The following SCUBE1 variants were observed in gnomAD, a reference collection of about 807,000 sequenced individuals.
SCUBE1 encodes the protein signal peptide, CUB domain and EGF like domain containing 1.
SCUBE1 carries 59 observed loss-of-function variants against 124.4 expected under a neutral mutation model. The ratio of observed to expected loss-of-function variants is 0.47; its 90% CI spans 0.38 to 0.59. SCUBE1 has a LOEUF of 0.59. Among genes scored for constraint, SCUBE1 ranks in the 20% least tolerant of loss-of-function variants. The probability of loss-of-function intolerance (pLI) is 0.00; values close to 1 mark genes in which losing one functional copy is unlikely to be tolerated. For synonymous variants in SCUBE1, 545 were observed against 550.9 expected (o/e 0.99, Z 0.15); for missense variants, 1,150 against 1,371.2 (o/e 0.84, Z 2.55).
intron 2 of SCUBE1, among the ~76,000 whole-genome samples, chr22:43,325,250 T>G (rs1206914201): frequency 6.6e-6 from 1 of 151,796 alleles, no homozygotes; most frequent in Non-Finnish European, 1.5e-5. Context: ...AGCCACATCC[T>G]TGGGGTGTGT....
chr22:43,337,189 G>A (rs1927111099), intron 2 of SCUBE1, among the ~76,000 whole-genome samples: 1 of 152,184 alleles, frequency 6.6e-6, no homozygotes, highest in South Asian at 2.1e-4. Context: ...GAGCCAGTGA[G>A]CAGCAGAGCT....
At position 43,212,504 on chromosome 22, in the gene SCUBE1, G is replaced by A. The variant is rs773366234; in HGVS notation, c.2142C>T (p.Arg714=). Residue 714 remains arginine, a synonymous_variant, in exon 17 of 22, where the codon CGC becomes CGT. Transcript: ENST00000360835. ...CCCCTCCACAGGGGAAGCAGCCGGTGCGCCCGGGCTCAGGCTGGTACGTGC... is the reference window on the plus strand; with the variant it reads ...CCCCTCCACAGGGGAAGCAGCCGGTACGCCCGGGCTCAGGCTGGTACGTGC... The part of the protein sequence containing the change: ...PVGTYQPEPG[R]TGCFPCGGGL... 7.7e-6 allele frequency: 12 copies of A among 1,556,754 alleles called. No homozygotes were observed. In the African/African-American group the frequency reaches 1.6e-4, roughly 21 times the overall value.
chr22:43,261,495 G>C (rs994379840), intron 5 of SCUBE1, among the ~76,000 whole-genome samples: 1 of 152,186 alleles, frequency 6.6e-6, no homozygotes, highest in African/African-American at 2.4e-5. Flanking sequence ...ACTATTCTAG[G>C]AGACCATGAG....
intron 14 of SCUBE1, among the ~76,000 whole-genome samples, chr22:43,219,374 G>T (rs1454162428): frequency 6.6e-6 from 1 of 152,138 alleles, no homozygotes; most frequent in African/African-American, 2.4e-5. Context: ...TGCTGCTGCC[G>T]TGTTCTCGGA....
chr22:43,328,673 T>G lies in SCUBE1; in HGVS notation c.221-8608A>C, dbSNP rs553913732. Among the ~76,000 whole-genome samples the G allele has an allele frequency of 3.3e-3, 510 of 152,258 alleles. 3 individuals are homozygous for G. The highest frequency in any genetic ancestry group is 0.012 in the African/African-American group (487 of 41,544). On this transcript the variant is annotated intron_variant, in intron 2 of 21. Coordinates refer to ENST00000360835, the MANE Select transcript of SCUBE1 (RefSeq NM_173050.5). ...CTCAAGGCTCTCAGCTTGGGCTTCTTTCTCTCATCTCGGGATCCAGCAGTG... is the reference window on the plus strand; with the variant it reads ...CTCAAGGCTCTCAGCTTGGGCTTCTGTCTCTCATCTCGGGATCCAGCAGTG...
chr22:43,339,093 G>GCTGGA lies in SCUBE1; in HGVS notation c.220+6_220+10dup. 6.2e-7 allele frequency: 1 copy of GCTGGA among 1,613,234 alleles called. No individual in the cohort carries two copies. Among genetic ancestry groups the GCTGGA allele is most frequent in the Non-Finnish European group, 8.5e-7 (1 of 1,179,498 alleles). ...CTCAGGGTCTGCCCGGGAGGGCCGGGCTGGACTCACCTTCACACTGCTTGC... is the reference window on the plus strand; with the variant it reads ...CTCAGGGTCTGCCCGGGAGGGCCGGGCTGGACTGGACTCACCTTCACACTGCTTGC... On this transcript the variant is annotated intron_variant, in intron 2 of 21. Coordinates refer to ENST00000360835, the MANE Select transcript of SCUBE1 (RefSeq NM_173050.5).
chr22:43,264,297 C>T (rs755649294), intron 4 of SCUBE1, among the ~76,000 whole-genome samples: 17 of 152,206 alleles, frequency 1.1e-4, no homozygotes, highest in Non-Finnish European at 2.1e-4. Flanking sequence ...TTAGAAGGGG[C>T]AGGATCACCT....
At chr22:43,321,959 T>C (rs1926569394) in intron 2 of SCUBE1, among the ~76,000 whole-genome samples, 1 of 152,216 alleles carries the variant, frequency 6.6e-6, no homozygotes, top group South Asian at 2.1e-4. Flanking sequence ...TTTATGTTTA[T>C]TGAAAAGGCA....
At chr22:43,317,399 C>T (rs1190606232) in intron 3 of SCUBE1, among the ~76,000 whole-genome samples, 2 of 152,190 alleles carry the variant, frequency 1.3e-5, no homozygotes, top group African/African-American at 4.8e-5. Flanking sequence ...TAGATAGTAA[C>T]AGTTCTCGGC....
intron 3 of SCUBE1, among the ~76,000 whole-genome samples, chr22:43,314,297 G>GT (rs1437117894): frequency 6.6e-6 from 1 of 152,134 alleles, no homozygotes; most frequent in Non-Finnish European, 1.5e-5. Context: ...CTGGATGCAA[G>GT]TAATAGGGAG....
intron 4 of SCUBE1, 77 bp from the exon 5 acceptor site, chr22:43,262,922 A>G: frequency 6.7e-7 from 1 of 1,485,374 alleles, no homozygotes; most frequent in Non-Finnish European, 9.3e-7. Flanking sequence ...CTGAAAGGGG[A>G]TAGCCAATGA....
rs756731797 is a variant in SCUBE1, at chr22:43,258,238, T to A, written c.708A>T (p.Ser236=). ...CGCHQKYALH[S]DGRTCIETCA... ...ACTTACCGATGCACGTGCGACCGTC[T>A]GAGTGGAGGGCGTACTTCTGGTGGC... Residue 236 remains serine (S), a synonymous_variant, in exon 6 of 22, where the codon TCA becomes TCT. Transcript: ENST00000360835. This position sits in a 1 kb window ranked among gnomAD's most constrained non-coding sequence, Gnocchi z 5.0. 1 of 1,613,326 alleles carries A rather than the reference T, an allele frequency of 6.2e-7. No homozygotes were observed. The highest frequency in any genetic ancestry group is 1.3e-5 in the African/African-American group (1 of 74,886).
At chr22:43,204,849 C>T (rs190940481) in intron 21 of SCUBE1, among the ~76,000 whole-genome samples, 3 of 150,826 alleles carry the variant, frequency 2.0e-5, no homozygotes, top group African/African-American at 7.3e-5. Flanking sequence ...GAGGCTGAGG[C>T]ATGAGAACTG....
intron 2 of SCUBE1, among the ~76,000 whole-genome samples, chr22:43,321,072 G>A (rs556444436): frequency 3.3e-5 from 5 of 152,342 alleles, no homozygotes; most frequent in African/African-American, 9.6e-5. Flanking sequence ...GGAGAGAGGA[G>A]GGCCGGAAGT....
intron 6 of SCUBE1, among the ~76,000 whole-genome samples, chr22:43,252,176 G>T (rs767765855): frequency 8.5e-5 from 13 of 152,194 alleles, no homozygotes; most frequent in Non-Finnish European, 1.8e-4. Context: ...GCAATTGCTG[G>T]GTGCAGCCGA....
chr22:43,221,373 A>C, intron 12 of SCUBE1, 84 bp from the exon 13 acceptor site: 4 of 725,420 alleles, frequency 5.5e-6, no homozygotes, highest in Non-Finnish European at 7.2e-6. Flanking sequence ...CAGGGGACAA[A>C]TCCATCTGGA....
At chr22:43,207,702 T>G in intron 20 of SCUBE1, 89 bp from the exon 21 acceptor site, 1 of 1,022,166 alleles carries the variant, frequency 9.8e-7, no homozygotes, top group South Asian at 1.3e-5. Flanking sequence ...CCCTCCCTCC[T>G]GTGCTCCAGC....
intron 4 of SCUBE1, among the ~76,000 whole-genome samples, chr22:43,290,053 G>C (rs1405486957): frequency 6.6e-6 from 1 of 152,132 alleles, no homozygotes; most frequent in Non-Finnish European, 1.5e-5. Flanking sequence ...TTATTCCCTT[G>C]ACAGCTCACG....
At chr22:43,296,288 G>C (rs1261713211) in intron 3 of SCUBE1, among the ~76,000 whole-genome samples, 1 of 152,218 alleles carries the variant, frequency 6.6e-6, no homozygotes, top group Non-Finnish European at 1.5e-5. Flanking sequence ...CCAAACCACT[G>C]AGGCCTTGGG....
Sources: allele counts gnomAD v4.1 joint callset (sites outside exome capture counted in the v4.1 genomes callset), GRCh38; gene constraint gnomAD v4.1.1; non-coding constraint Gnocchi (gnomAD v3.1); transcripts MANE v1.5; gene names NCBI Gene and HGNC (gene_info 2026-07-23, HGNC 2026-07-21).